Variants in SLC25A17 observed in about 807,000 individuals in gnomAD.
SLC25A17 encodes the protein peroxisomal membrane protein PMP34.
SLC25A17 carries 26 observed loss-of-function variants against 38.5 expected under a neutral mutation model. The observed-to-expected ratio is 0.68, with a 90% CI of 0.50 to 0.94. The LOEUF (loss-of-function observed/expected upper bound fraction) is 0.94. Ranked by LOEUF, SLC25A17 falls within the 40% of genes least tolerant of loss-of-function variation. The pLI, the probability that SLC25A17 is intolerant of heterozygous loss-of-function variation, is 0.00. For synonymous variants in SLC25A17, 139 were observed against 136.2 expected (o/e 1.02, Z -0.14); for missense variants, 333 against 372.7 (o/e 0.89, Z 0.88).
intron 4 of SLC25A17, among the ~76,000 whole-genome samples, chr22:40,785,780 C>A (rs1203529776): frequency 6.6e-6 from 1 of 151,872 alleles, no homozygotes; most frequent in Non-Finnish European, 1.5e-5. Flanking sequence ...ACTACAAGTG[C>A]ATGCCACCAT....
intron 2 of SLC25A17, among the ~76,000 whole-genome samples, chr22:40,795,573 A>G (rs1239498410): frequency 2.6e-5 from 4 of 152,192 alleles, no homozygotes; most frequent in Non-Finnish European, 5.9e-5. Context: ...TACAGGCGTG[A>G]GCCACCACGC....
intron 1 of SLC25A17, among the ~76,000 whole-genome samples, chr22:40,818,517 T>C (rs2057663766): frequency 6.6e-6 from 1 of 151,304 alleles, no homozygotes; most frequent in African/African-American, 2.4e-5. Context: ...GAGACCAGCC[T>C]GGGCAACACT....
At chr22:40,788,948 C>T (rs2057361641) in intron 4 of SLC25A17, 1 of 315,922 alleles carries the variant, frequency 3.2e-6, no homozygotes, top group Non-Finnish European at 6.3e-6. Context: ...AGGTAGCCAA[C>T]AACGGCCACA....
intron 4 of SLC25A17, among the ~76,000 whole-genome samples, chr22:40,781,802 C>A (rs1477231125): frequency 6.6e-6 from 1 of 152,136 alleles, no homozygotes; most frequent in East Asian, 1.9e-4. Flanking sequence ...CCTATATCAT[C>A]AAGCAAAGGT....
At chr22:40,786,580 A>G (rs2145665228) in intron 4 of SLC25A17, among the ~76,000 whole-genome samples, 1 of 152,352 alleles carries the variant, frequency 6.6e-6, no homozygotes, top group East Asian at 1.9e-4. Flanking sequence ...CTATGTAGAT[A>G]GTTGTTATAC....
chr22:40,788,202 C>A (rs185400055), intron 4 of SLC25A17, among the ~76,000 whole-genome samples: 1 of 152,320 alleles, frequency 6.6e-6, no homozygotes, highest in East Asian at 1.9e-4. Flanking sequence ...CATGTAATAC[C>A]TTCCTAGTGG....
intron 2 of SLC25A17, among the ~76,000 whole-genome samples, chr22:40,797,691 A>C (rs1179261670): frequency 6.6e-6 from 1 of 152,244 alleles, no homozygotes; most frequent in Non-Finnish European, 1.5e-5. Flanking sequence ...TAAACCTTAA[A>C]AATAAAAAAT....
chr22:40,809,623 C>G (rs2057560850), intron 1 of SLC25A17, among the ~76,000 whole-genome samples: 1 of 151,484 alleles, frequency 6.6e-6, no homozygotes, highest in Non-Finnish European at 1.5e-5. Context: ...ACAGTGAGAC[C>G]CTGTCTCAAA....
intron 1 of SLC25A17, among the ~76,000 whole-genome samples, chr22:40,814,597 G>C (rs2057615977): frequency 6.6e-6 from 1 of 152,020 alleles, no homozygotes; most frequent in East Asian, 1.9e-4. Context: ...CACAATAAAA[G>C]TCTGACATTG....
intron 4 of SLC25A17, among the ~76,000 whole-genome samples, chr22:40,784,820 A>T (rs1392948246): frequency 6.6e-6 from 1 of 151,870 alleles, no homozygotes; most frequent in Non-Finnish European, 1.5e-5. Context: ...AGGAAAAAAA[A>T]TAACCTTGAA....
intron 2 of SLC25A17, 91 bp from the exon 3 acceptor site, chr22:40,794,671 G>A (rs1276980396): frequency 5.0e-5 from 30 of 601,870 alleles, no homozygotes; most frequent in South Asian, 3.5e-4. Flanking sequence ...CCAGGCTGGA[G>A]TGCAGTGGCG....
intron 4 of SLC25A17, among the ~76,000 whole-genome samples, chr22:40,788,191 G>A (rs1448391113): frequency 1.3e-5 from 2 of 151,960 alleles, no homozygotes; most frequent in African/African-American, 4.8e-5. Flanking sequence ...ATACTTATAC[G>A]CATGTAATAC....
Position 40,779,092 on chromosome 22 carries a change from C to T in SLC25A17, c.368G>A (p.Trp123Ter). Reference protein sequence around the residue: ...VVNVLLTTPLWVVNTRLKLQG... With the variant: ...VVNVLLTTPL ...AAGCTTCAGTCTGGTGTTTACCACC[C>T]AGAGTGGAGTTGTTAGCAACACATT... Residue 123 changes from tryptophan (W) to a stop codon, truncating the protein, a stop_gained, in exon 5 of 9, where the codon TGG becomes TAG. Coordinates refer to ENST00000435456, the MANE Select transcript of SLC25A17 (RefSeq NM_006358.4). LOFTEE classifies it high-confidence loss of function. The T allele has an allele frequency of 1.2e-6, 2 of 1,614,146 alleles. No individual in the cohort carries two copies. Among genetic ancestry groups the T allele is most frequent in the Non-Finnish European group, 1.7e-6 (2 of 1,180,026 alleles).
intron 8 of SLC25A17, among the ~76,000 whole-genome samples, chr22:40,772,262 T>C (rs570556894): frequency 1.3e-5 from 2 of 152,308 alleles, no homozygotes; most frequent in Non-Finnish European, 1.5e-5. Context: ...ATACTTGATA[T>C]AGTGAGTATT....
chr22:40,812,662 G>A (rs1352900585), intron 1 of SLC25A17, among the ~76,000 whole-genome samples: 1 of 152,174 alleles, frequency 6.6e-6, no homozygotes, highest in Non-Finnish European at 1.5e-5. Flanking sequence ...CAGCACCACT[G>A]AAATCAATGT....
At chr22:40,799,199 C>T in intron 1 of SLC25A17, 116 bp from the exon 2 acceptor site, 1 of 303,066 alleles carries the variant, frequency 3.3e-6, no homozygotes, top group East Asian at 3.9e-5. Context: ...TGGTTTACGG[C>T]AGCCTTGAAC....
intron 4 of SLC25A17, among the ~76,000 whole-genome samples, chr22:40,780,815 G>A (rs770877700): frequency 3.3e-5 from 5 of 152,098 alleles, no homozygotes; most frequent in Admixed American, 6.6e-5. Context: ...TAAGAGGTAG[G>A]CACATACAAA....
chr22:40,790,354 A>G (rs1222999472), intron 4 of SLC25A17, among the ~76,000 whole-genome samples: 2 of 151,604 alleles, frequency 1.3e-5, no homozygotes, highest in Non-Finnish European at 2.9e-5. Context: ...AAAAAAAAAA[A>G]AAAAAAAAGT....
chr22:40,797,824 T>G (rs1351253453), intron 2 of SLC25A17, among the ~76,000 whole-genome samples: 2 of 152,236 alleles, frequency 1.3e-5, no homozygotes, highest in Non-Finnish European at 2.9e-5. Flanking sequence ...CAGGCCTGTA[T>G]GCCCGGCCAG....
Sources: gnomAD v4.1 joint callset for allele counts (sites outside exome capture counted in the v4.1 genomes callset) on GRCh38, gnomAD v4.1.1 for gene constraint, MANE v1.5 for transcripts, NCBI Gene and HGNC (gene_info 2026-07-23, HGNC 2026-07-21) for gene names.